TCEA1: variants seen among roughly 807,000 people sequenced by gnomAD.
The protein encoded by TCEA1 is transcription elongation factor A protein 1.
A neutral mutation model predicts 43.8 loss-of-function variants in TCEA1; 21 were observed. The ratio of observed to expected loss-of-function variants is 0.48; its 90% confidence interval spans 0.34 to 0.69. The LOEUF is 0.69. TCEA1 is among the 30% of genes least tolerant of loss of function. The pLI is 0.01. For missense variants in TCEA1, 250 were observed against 365.1 expected (o/e 0.68, Z 2.57); for synonymous variants, 104 against 117.5 (o/e 0.88, Z 0.75).
At chr8:54,008,853 AT>A (rs1214827346) in intron 2 of TCEA1, among the ~76,000 whole-genome samples, 2,198 of 140,184 alleles carry the variant, frequency 0.016, 31 homozygotes, top group Non-Finnish European at 0.024. Flanking sequence ...TTATTTATTT[AT>A]TTTTTTTTTT....
intron 9 of TCEA1, among the ~76,000 whole-genome samples, chr8:53,969,897 T>G (rs2129297568): frequency 6.6e-6 from 1 of 152,332 alleles, no homozygotes; most frequent in East Asian, 1.9e-4. Context: ...TGTGTGGGAC[T>G]AATTTCAAGA....
At chr8:53,987,511 G>A (rs1803727318) in intron 5 of TCEA1, among the ~76,000 whole-genome samples, 1 of 152,172 alleles carries the variant, frequency 6.6e-6, no homozygotes, top group African/African-American at 2.4e-5. Flanking sequence ...GGAAATCAAA[G>A]TAGAAAGGGC....
chr8:53,996,189 T>C (rs1804045936), intron 3 of TCEA1, among the ~76,000 whole-genome samples: 1 of 152,240 alleles, frequency 6.6e-6, no homozygotes, highest in Non-Finnish European at 1.5e-5. Context: ...TACAATCCTT[T>C]TAGACAGCAG....
At chr8:53,998,251 T>C (rs2129307906) in intron 3 of TCEA1, among the ~76,000 whole-genome samples, 1 of 152,352 alleles carries the variant, frequency 6.6e-6, no homozygotes, top group East Asian at 1.9e-4. Context: ...TGTATCACTG[T>C]CAATTTCCTG....
chr8:53,973,747 C>A, intron 8 of TCEA1: 1 of 541,216 alleles, frequency 1.8e-6, no homozygotes, highest in East Asian at 4.5e-5. Flanking sequence ...TGGTTTCAAG[C>A]AATGTACACT....
chr8:54,001,211 GGTT>G (rs1804246536), intron 2 of TCEA1, among the ~76,000 whole-genome samples: 1 of 151,966 alleles, frequency 6.6e-6, no homozygotes, highest in East Asian at 1.9e-4. Flanking sequence ...AGTAAGTTCG[GGTT>G]GTTAACAGAC....
chr8:53,988,412 T>C (rs900146034), intron 4 of TCEA1, among the ~76,000 whole-genome samples, 153 bp from the exon 5 acceptor site: 1 of 152,200 alleles, frequency 6.6e-6, no homozygotes, highest in African/African-American at 2.4e-5. Context: ...ATTGCCTGCA[T>C]ACAGATTAAA....
chr8:54,010,585 C>T, intron 1 of TCEA1, 93 bp from the exon 2 acceptor site: 1 of 980,368 alleles, frequency 1.0e-6, no homozygotes, highest in Non-Finnish European at 1.5e-6. Flanking sequence ...CAGAAAACAG[C>T]TAAAGAGGAA....
Position 54,002,697 on chromosome 8 carries a change from T to C in TCEA1, c.127-2647A>G, listed in dbSNP as rs75277144. On this transcript the variant is annotated intron_variant, in intron 2 of 9. Transcript: ENST00000521604. ...TTGGTATGCTAAGACTTACAAGATG[T>C]AATAGATAGGTTATACGAAAGTATT... Among the ~76,000 whole-genome samples the C allele has an allele frequency of 4.1e-3, 621 of 152,234 alleles. 4 individuals are homozygous for C. Among genetic ancestry groups the C allele is most frequent in the African/African-American group, 0.014 (592 of 41,510 alleles).
rs552120560 is a variant in TCEA1 at position 53,973,347 on chromosome 8, T to C, written c.826-2884A>G. On this transcript the variant is annotated intron_variant, in intron 8 of 9. Transcript: ENST00000521604. ...TGAAAGGAAAGGATAAACTGACCCC[T>C]TGGGAACAATTTTTAAAGAAGAAAG... is the stretch of plus-strand genomic sequence containing the variant. 4 of 524,296 alleles carry C rather than the reference T, an allele frequency of 7.6e-6. No homozygotes were observed. The East Asian group carries it at 1.4e-4, about 19-fold the overall frequency. The allele number at this position is 524,296 out of a possible 1,614,324, so 32.5% of individuals were successfully genotyped here. A position where few individuals can be genotyped will look rare whatever the true frequency, so the allele number is the denominator to read the frequency against.
At chr8:53,969,585 AAT>A (rs1382277776) in intron 9 of TCEA1, among the ~76,000 whole-genome samples, 48 of 152,294 alleles carry the variant, frequency 3.2e-4, no homozygotes, top group African/African-American at 1.1e-3. Flanking sequence ...AGGCACACTA[AAT>A]ATATTATCTC....
Position 54,014,197 on chromosome 8 carries a change from T to C in TCEA1, c.64-3705A>G, listed in dbSNP as rs181255080. 4.6e-5 allele frequency among the ~76,000 whole-genome samples: 7 copies of C among 152,362 alleles called. No individual in the cohort carries two copies. In the East Asian group the frequency reaches 1.2e-3, roughly 25 times the overall value. ...TCATGAACTAGTCGCCTGACCCTTA[T>C]ACTGCTGCCCTTTCCCCAGCAGTGC... On this transcript the variant is annotated intron_variant, in intron 1 of 9. Coordinates refer to ENST00000521604, the MANE Select transcript of TCEA1 (RefSeq NM_006756.4).
At chr8:53,976,120 C>T (rs767919086) in intron 8 of TCEA1, among the ~76,000 whole-genome samples, 8 of 152,048 alleles carry the variant, frequency 5.3e-5, no homozygotes, top group Non-Finnish European at 1.0e-4. Context: ...GTGGCAAGAA[C>T]CTAAATACTA....
At chr8:53,982,433 C>A (rs35051168) in intron 7 of TCEA1, among the ~76,000 whole-genome samples, 9 of 151,754 alleles carry the variant, frequency 5.9e-5, no homozygotes, top group Non-Finnish European at 4.4e-5. Context: ...CATGGTGAAA[C>A]CCTGTCTCTA....
chr8:54,017,771 T>C (rs889174787), intron 1 of TCEA1, among the ~76,000 whole-genome samples: 14 of 152,136 alleles, frequency 9.2e-5, no homozygotes, highest in Non-Finnish European at 1.9e-4. Flanking sequence ...AAATACAAAA[T>C]TAGTTGGGTG....
chr8:53,992,567 C>T (rs1339348282), intron 4 of TCEA1, among the ~76,000 whole-genome samples: 1 of 152,062 alleles, frequency 6.6e-6, no homozygotes, highest in Non-Finnish European at 1.5e-5. Flanking sequence ...GCCAAGATCG[C>T]ACCACTGCAC....
chr8:53,976,079 C>G (rs1803322263), intron 8 of TCEA1, among the ~76,000 whole-genome samples: 1 of 152,112 alleles, frequency 6.6e-6, no homozygotes. Flanking sequence ...GATGACAAAG[C>G]ATTATTAAAG....
intron 2 of TCEA1, 92 bp from the exon 3 acceptor site, chr8:54,000,142 T>A: frequency 1.2e-6 from 1 of 828,956 alleles, no homozygotes; most frequent in African/African-American, 1.7e-5. Context: ...CAGATTCCTG[T>A]TTCTATTTTA....
intron 2 of TCEA1, chr8:54,010,063 C>T (rs891517185): frequency 3.5e-5 from 7 of 199,146 alleles, no homozygotes; most frequent in African/African-American, 2.4e-5. Context: ...GGGAGAGGAG[C>T]GACACCTTGC....
Sources: allele counts gnomAD v4.1 joint callset (sites outside exome capture counted in the v4.1 genomes callset), GRCh38; gene constraint gnomAD v4.1.1; transcripts MANE v1.5; gene names NCBI Gene and HGNC (gene_info 2026-07-23, HGNC 2026-07-21).